Variants in CPQ observed in about 807,000 individuals in gnomAD.
CPQ encodes the protein Ser-Met dipeptidase.
CPQ carries 37 observed loss-of-function variants against 45.7 expected under a neutral mutation model. The ratio of observed to expected loss-of-function variants is 0.81; its 90% confidence interval spans 0.62 to 1.07. CPQ has a LOEUF of 1.07. Ranked by LOEUF, CPQ falls within the 50% of genes least tolerant of loss-of-function variation. CPQ has a pLI of 0.00. For missense variants in CPQ, 537 were observed against 572.9 expected, an observed-to-expected ratio of 0.94 and a Z score of 0.64; for synonymous variants, 186 against 205.8, an observed-to-expected ratio of 0.90 and a Z score of 0.82.
chr8:96,972,438 G>A (rs1448862125), intron 5 of CPQ, among the ~76,000 whole-genome samples: 1 of 152,140 alleles, frequency 6.6e-6, no homozygotes, highest in Non-Finnish European at 1.5e-5. Context: ...GGTAGCCAAA[G>A]ACAAAGGTCA....
intron 2 of CPQ, among the ~76,000 whole-genome samples, chr8:96,822,055 A>G (rs1054693931): frequency 2.0e-5 from 3 of 151,828 alleles, no homozygotes; most frequent in African/African-American, 7.3e-5. Context: ...CTTCTTCCCA[A>G]TCTCTACATT....
At chr8:96,891,320 A>G (rs980046427) in intron 4 of CPQ, among the ~76,000 whole-genome samples, 72 of 152,316 alleles carry the variant, frequency 4.7e-4, no homozygotes, top group African/African-American at 1.6e-3. Context: ...AAAAGGTCCA[A>G]TATAATCGAC....
chr8:96,682,500 G>T (rs947002508), intron 1 of CPQ, among the ~76,000 whole-genome samples: 4 of 152,176 alleles, frequency 2.6e-5, no homozygotes, highest in African/African-American at 9.7e-5. Context: ...TTTGTAAGTT[G>T]CCTAGTCTTG....
intron 5 of CPQ, among the ~76,000 whole-genome samples, chr8:96,968,962 C>T (rs530855527): frequency 1.3e-5 from 2 of 152,308 alleles, no homozygotes; most frequent in South Asian, 4.1e-4. Context: ...GGACTTGAAA[C>T]TGTTTATTTG....
chr8:96,947,469 G>A (rs1483635144), intron 4 of CPQ, among the ~76,000 whole-genome samples: 2 of 152,086 alleles, frequency 1.3e-5, no homozygotes, highest in Non-Finnish European at 2.9e-5. Flanking sequence ...CTGTAGCTTT[G>A]TAATACATGT....
intron 4 of CPQ, among the ~76,000 whole-genome samples, chr8:96,956,396 G>A (rs1018691647): frequency 2.6e-5 from 4 of 152,050 alleles, no homozygotes; most frequent in East Asian, 1.9e-4. Flanking sequence ...TTTTTGAGTT[G>A]TGATACACAA....
chr8:96,692,999 A>G (rs575604797), intron 1 of CPQ, among the ~76,000 whole-genome samples: 29 of 152,242 alleles, frequency 1.9e-4, no homozygotes, highest in Middle Eastern at 3.4e-3. Context: ...TGAAATAATT[A>G]AAAAGAATCA....
At chr8:96,664,921 AT>A (rs1377340601) in intron 1 of CPQ, among the ~76,000 whole-genome samples, 9 of 152,132 alleles carry the variant, frequency 5.9e-5, no homozygotes, top group Non-Finnish European at 1.3e-4. Flanking sequence ...GCTCAAGAGC[AT>A]TTTTTTAAGC....
rs78019757 is a variant in CPQ at position 97,113,570 on chromosome 8, G to C, written c.1256-29450G>C. Reference sequence around the variant, plus strand: ...AATTCAGTTCCATGTGGTGGAGGCAGCATAGTGAGCAGGTTCTGGAGCAAA... The same window carrying C: ...AATTCAGTTCCATGTGGTGGAGGCACCATAGTGAGCAGGTTCTGGAGCAAA... On this transcript the variant is annotated intron_variant, in intron 7 of 7. Coordinates refer to ENST00000220763, the MANE Select transcript of CPQ (RefSeq NM_016134.4). 8.4e-3 allele frequency among the ~76,000 whole-genome samples: 1,277 copies of C among 152,264 alleles called. 9 individuals carry two copies. Among genetic ancestry groups the C allele is most frequent in the Non-Finnish European group, 0.011 (722 of 68,020 alleles).
chr8:97,016,966 A>G (rs531992168), intron 5 of CPQ, among the ~76,000 whole-genome samples: 8 of 151,908 alleles, frequency 5.3e-5, no homozygotes, highest in Admixed American at 1.3e-4. Flanking sequence ...GTGAACTTTT[A>G]CTCAACAATG....
At chr8:96,906,927 A>G (rs1435391098) in intron 4 of CPQ, among the ~76,000 whole-genome samples, 1 of 152,188 alleles carries the variant, frequency 6.6e-6, no homozygotes, top group African/African-American at 2.4e-5. Context: ...CTAATAAGCT[A>G]TTAGTTAGTG....
intron 5 of CPQ, among the ~76,000 whole-genome samples, chr8:96,997,658 T>C (rs1243151373): frequency 1.3e-5 from 2 of 152,006 alleles, no homozygotes; most frequent in Non-Finnish European, 2.9e-5. Flanking sequence ...ATTCTAATTC[T>C]AGAAACATTA....
intron 5 of CPQ, among the ~76,000 whole-genome samples, chr8:97,016,468 A>T (rs1046666697): frequency 1.3e-5 from 2 of 152,206 alleles, no homozygotes; most frequent in Admixed American, 6.5e-5. Flanking sequence ...AAATATATTC[A>T]TTCAGTCAAT....
At chr8:96,899,743 C>A (rs1563524240) in intron 4 of CPQ, among the ~76,000 whole-genome samples, 1 of 151,648 alleles carries the variant, frequency 6.6e-6, no homozygotes, top group African/African-American at 2.4e-5. Flanking sequence ...CCACCTCCAG[C>A]ACTAGGGATT....
intron 2 of CPQ, among the ~76,000 whole-genome samples, chr8:96,829,182 A>G (rs1315442911): frequency 6.6e-6 from 1 of 152,034 alleles, no homozygotes; most frequent in Admixed American, 6.6e-5. Flanking sequence ...ACACCACCAA[A>G]CAGGGCAGGC....
At chr8:96,926,576 CTCTTCTTCTTCT>C (rs60745622) in intron 4 of CPQ, among the ~76,000 whole-genome samples, 22 of 75,038 alleles carry the variant, frequency 2.9e-4, no homozygotes, top group East Asian at 1.8e-3. Flanking sequence ...CTTCCTCTTC[CTCTTCTTCTTCT>C]TCTTCTTCTT....
At chr8:97,015,212 C>T (rs909236007) in intron 5 of CPQ, among the ~76,000 whole-genome samples, 6 of 152,126 alleles carry the variant, frequency 3.9e-5, no homozygotes, top group African/African-American at 9.6e-5. Flanking sequence ...GAACTCTTAA[C>T]AAAAGTGTGA....
chr8:96,942,541 AC>A (rs1399127440), intron 4 of CPQ, among the ~76,000 whole-genome samples: 1 of 152,160 alleles, frequency 6.6e-6, no homozygotes, highest in East Asian at 1.9e-4. Context: ...AGGTCAAACA[AC>A]CTATGGCTCC....
intron 7 of CPQ, among the ~76,000 whole-genome samples, chr8:97,120,361 T>C (rs1193479952): frequency 6.6e-6 from 1 of 151,614 alleles, no homozygotes; most frequent in Non-Finnish European, 1.5e-5. Context: ...TACAAGCTTA[T>C]TCACTGCCGC....
Sources: allele counts gnomAD v4.1 joint callset (sites outside exome capture counted in the v4.1 genomes callset), GRCh38; gene constraint gnomAD v4.1.1; transcripts MANE v1.5; gene names NCBI Gene and HGNC (gene_info 2026-07-23, HGNC 2026-07-21).